The following CXADR variants were observed in gnomAD, a reference collection of about 807,000 sequenced individuals.
CXADR encodes the protein coxsackievirus and adenovirus receptor.
Under a neutral mutation model 40.3 loss-of-function variants are expected in CXADR, and 20 were observed. That is an observed-to-expected ratio of 0.50 (90% CI 0.35 to 0.72). The LOEUF (loss-of-function observed/expected upper bound fraction) is 0.72, where lower values mean the gene tolerates loss of function less well. Ranked by LOEUF, CXADR falls within the 30% of genes least tolerant of loss-of-function variation. The pLI is 0.01. For synonymous variants in CXADR, 150 were observed against 161.3 expected (o/e 0.93, Z 0.53); for missense variants, 332 against 449.1 (o/e 0.74, Z 2.36).
At chr21:17,631,634 T>G in the CXADR span, among the ~76,000 whole-genome samples, 1 of 152,236 alleles carries the variant, frequency 6.6e-6, no homozygotes, top group Non-Finnish European at 1.5e-5. Flanking sequence ...ATACCAAATA[T>G]TCGTTCTCTT....
intron 7 of CXADR, among the ~76,000 whole-genome samples, chr21:17,587,291 C>A (rs2061404392): frequency 6.6e-6 from 1 of 152,082 alleles, no homozygotes. Context: ...ATTTCTAGTT[C>A]TAGATCCCTG....
chr21:17,513,244 A>C, intron 1 of CXADR, 72 bp downstream of exon 1: 1 of 1,301,390 alleles, frequency 7.7e-7, no homozygotes, highest in Non-Finnish European at 9.9e-7. Flanking sequence ...CCACCCAGGA[A>C]CAATGGGGCG....
At chr21:17,555,818 C>T (rs1329305848) in intron 3 of CXADR, among the ~76,000 whole-genome samples, 1 of 152,036 alleles carries the variant, frequency 6.6e-6, no homozygotes, top group East Asian at 1.9e-4. Context: ...TTAACTTTTG[C>T]CTATTGATTT....
chr21:17,613,974 C>T, the CXADR span: 1 of 152,094 alleles, frequency 6.6e-6, no homozygotes, highest in Non-Finnish European at 1.5e-5. Flanking sequence ...ATGTTTTCAG[C>T]TCAGTTTTAT....
chr21:17,596,570 T>C (rs1408963630), downstream of CXADR, among the ~76,000 whole-genome samples: 1 of 152,022 alleles, frequency 6.6e-6, no homozygotes, highest in African/African-American at 2.4e-5. Context: ...TTTGGCACTT[T>C]TGTTAAAAGG....
the CXADR span, among the ~76,000 whole-genome samples, chr21:17,632,744 C>T: frequency 2.0e-5 from 3 of 152,148 alleles, no homozygotes; most frequent in Non-Finnish European, 4.4e-5. Context: ...GGGCAGGCGC[C>T]TGTAGTCCCA....
intron 7 of CXADR, among the ~76,000 whole-genome samples, chr21:17,584,885 AGT>A (rs1331208467): frequency 6.6e-6 from 1 of 152,234 alleles, no homozygotes; most frequent in Non-Finnish European, 1.5e-5. Context: ...TTCATGTTAC[AGT>A]CTCTTTAAAC....
chr21:17,630,659 T>TG, the CXADR span, among the ~76,000 whole-genome samples: 1 of 150,636 alleles, frequency 6.6e-6, no homozygotes. Context: ...TCTTTTTTTT[T>TG]TTTTTTTTTG....
chr21:17,513,242 GA>G (rs1458598376), intron 1 of CXADR, 70 bp downstream of exon 1: 3 of 1,307,970 alleles, frequency 2.3e-6, no homozygotes, highest in Non-Finnish European at 2.9e-6. Flanking sequence ...GGCCACCCAG[GA>G]ACAATGGGGC....
At chr21:17,561,309 T>G (rs781568544) in intron 5 of CXADR, 29 bp from the exon 6 acceptor site, 2 of 1,363,572 alleles carry the variant, frequency 1.5e-6, no homozygotes, top group Non-Finnish European at 2.0e-6. Context: ...TATGTATATA[T>G]TTTTTACTAT....
chr21:17,631,752 A>G, the CXADR span, among the ~76,000 whole-genome samples: 1 of 152,186 alleles, frequency 6.6e-6, no homozygotes, highest in Non-Finnish European at 1.5e-5. Flanking sequence ...GCCATCTAAG[A>G]CAGACTCTAA....
At position 17,565,794 on chromosome 21, in the gene CXADR, C is replaced by A. The variant is rs2061200431; in HGVS notation, c.*102C>A. 10 of 1,472,008 alleles carry A rather than the reference C, an allele frequency of 6.8e-6. No individual in the cohort carries two copies. Among genetic ancestry groups the A allele is most frequent in the African/African-American group, 4.3e-5 (3 of 69,856 alleles). The allele number at this position is 1,472,008 out of a possible 1,614,324, so 91.2% of individuals were successfully genotyped here. ...TTGTGTTACTAGCCTCAAAATACAT[C>A]AAAAAATAAGTTAATCAGGAACTGT... On this transcript the variant is annotated 3_prime_UTR_variant, in exon 7 of 7. Coordinates refer to ENST00000284878, the MANE Select transcript of CXADR (RefSeq NM_001338.5).
Position 17,559,114 on chromosome 21 carries a change from C to A in CXADR, c.554C>A (p.Pro185His). 1.2e-6 allele frequency: 2 copies of A among 1,613,908 alleles called. No individual in the cohort carries two copies. Among genetic ancestry groups the A allele is most frequent in the Admixed American group, 1.7e-5 (1 of 59,976 alleles). ...AAATTGTCTGACTCACAGAAAATGC[C>A]CACTTCATGGTTAGCAGGTACTGCT... ...WQKLSDSQKM[P>H]TSWLAEMTSS... The change falls in exon 4 of 7, where the codon CCC (proline) becomes CAC (histidine). Residue 185 changes from proline (P) to histidine (H), a missense_variant. By Grantham distance (77) the Pro-to-His change is moderately conservative. This residue lies in a region of CXADR where 20 missense variants were observed against 56.4 expected (regional missense o/e 0.35). Coordinates refer to ENST00000284878, the MANE Select transcript of CXADR (RefSeq NM_001338.5).
the CXADR span, among the ~76,000 whole-genome samples, chr21:17,599,853 T>C: frequency 4.6e-5 from 7 of 152,284 alleles, no homozygotes; most frequent in South Asian, 8.3e-4. Flanking sequence ...TCCTATAAAA[T>C]TGACTTTAAC....
In CXADR at chr21:17,514,780, C is replaced by A. The variant is rs557317091; in HGVS notation, c.43+1608C>A. On this transcript the variant is annotated intron_variant, in intron 1 of 6. Coordinates refer to ENST00000284878, the MANE Select transcript of CXADR (RefSeq NM_001338.5). Reference sequence around the variant, plus strand: ...TCCTGAGTAGCTGGGATTACAGGCACCCCCCACCATGCCCGGCTAACTTTT... The same window carrying A: ...TCCTGAGTAGCTGGGATTACAGGCAACCCCCACCATGCCCGGCTAACTTTT... Among the ~76,000 whole-genome samples, 9 of 151,798 alleles carry A rather than the reference C, an allele frequency of 5.9e-5. No homozygotes were observed. The South Asian group carries it at 1.3e-3, about 21-fold the overall frequency.
intron 1 of CXADR, among the ~76,000 whole-genome samples, chr21:17,524,768 G>C (rs1339505547): frequency 2.0e-5 from 3 of 151,814 alleles, no homozygotes; most frequent in Non-Finnish European, 4.4e-5. Flanking sequence ...AATTAGCCGG[G>C]TGTGGTGGCA....
At chr21:17,593,221 T>TTGC in exon 8 of CXADR, 1 of 1,395,002 alleles carries the variant, frequency 7.2e-7, no homozygotes, top group South Asian at 1.8e-5. Context: ...ATCTGAAGTA[T>TTGC]TGTATTATTT....
chr21:17,628,977 C>A, the CXADR span, among the ~76,000 whole-genome samples: 1 of 152,184 alleles, frequency 6.6e-6, no homozygotes, highest in Non-Finnish European at 1.5e-5. Flanking sequence ...CATCCAAAAA[C>A]ACCCTCACAG....
chr21:17,518,785 T>C (rs1044360803), intron 1 of CXADR: 3 of 1,579,912 alleles, frequency 1.9e-6, no homozygotes, highest in African/African-American at 2.7e-5. Context: ...GACTTTGGGA[T>C]TGTTGAAGTG....
Sources: allele counts gnomAD v4.1 joint callset (sites outside exome capture counted in the v4.1 genomes callset), GRCh38; gene constraint gnomAD v4.1.1; regional missense constraint gnomAD v4.1.1; transcripts MANE v1.5; gene names NCBI Gene and HGNC (gene_info 2026-07-23, HGNC 2026-07-21).